DNAH8: variants seen among roughly 807,000 people sequenced by gnomAD.
DNAH8 encodes dynein axonemal heavy chain 8, also known as axonemal beta dynein heavy chain 8.
A neutral mutation model predicts 562.1 loss-of-function variants in DNAH8; 382 were observed. The observed-to-expected ratio is 0.68, with a 90% confidence interval of 0.63 to 0.74. The LOEUF (loss-of-function observed/expected upper bound fraction) is 0.74, where lower values mean the gene tolerates loss of function less well. DNAH8 is among the 30% of genes least tolerant of loss of function. DNAH8 has a pLI of 0.00. For missense variants in DNAH8, 5,203 were observed against 5,620.4 expected (o/e 0.93, Z 2.37); for synonymous variants, 1,881 against 1,919.4 (o/e 0.98, Z 0.52).
intron 23 of DNAH8, 55 bp from the exon 24 acceptor site, chr6:38,807,555 T>C (rs955896498): frequency 8.1e-6 from 7 of 865,364 alleles, no homozygotes; most frequent in African/African-American, 1.7e-5. Flanking sequence ...GTTTTGGGGA[T>C]GCTCTAGGTT....
rs1274698410 is a variant in DNAH8 at position 38,909,442 on chromosome 6, A to G, written c.9514-76A>G. 1.7e-5 allele frequency: 22 copies of G among 1,326,384 alleles called. No homozygotes were observed. The East Asian group carries it at 2.1e-4, about 13-fold the overall frequency. The allele number at this position is 1,326,384 out of a possible 1,614,324, so 82.2% of individuals were successfully genotyped here. The stretch of plus-strand genomic sequence containing the variant: ...ATCTGTGATGTCACACTCTTGGGTC[A>G]GATTGCGTAAATCTCTCTCTGGCTG... On this transcript the variant is annotated intron_variant, in intron 64 of 92. Coordinates refer to ENST00000327475, the MANE Select transcript of DNAH8 (RefSeq NM_001206927.2).
chr6:38,863,559 C>G (rs1232195922), intron 44 of DNAH8, among the ~76,000 whole-genome samples: 1 of 152,158 alleles, frequency 6.6e-6, no homozygotes, highest in Non-Finnish European at 1.5e-5. Flanking sequence ...TTCGACCTAT[C>G]CTTTACTCCG....
chr6:38,803,031 TCTGAAG>T, intron 21 of DNAH8, 142 bp from the exon 22 acceptor site: 4 of 552,388 alleles, frequency 7.2e-6, no homozygotes, highest in Non-Finnish European at 1.2e-5. Flanking sequence ...CAATTTTGAA[TCTGAAG>T]CATTATGCCA....
intron 89 of DNAH8, among the ~76,000 whole-genome samples, chr6:39,010,283 A>T (rs1766106278): frequency 6.6e-6 from 1 of 152,230 alleles, no homozygotes; most frequent in South Asian, 2.1e-4. Context: ...TTTCTTGAAC[A>T]GGTGGCTGTA....
chr6:38,786,750 A>G lies in DNAH8; in HGVS notation c.2396-15A>G, dbSNP rs1554210210. 2 of 1,608,116 alleles carry G rather than the reference A, an allele frequency of 1.2e-6. No individual in the cohort carries two copies. Among genetic ancestry groups the G allele is most frequent in the Middle Eastern group, 1.7e-4 (1 of 6,030 alleles). On this transcript the variant is annotated splice_polypyrimidine_tract_variant and intron_variant, in intron 17 of 92. Coordinates refer to ENST00000327475, the MANE Select transcript of DNAH8 (RefSeq NM_001206927.2). Reference sequence around the variant, plus strand: ...AAATTCAGAATGAGTAATGTCAATCATTATTTATTTGTAGCTTTACAAGCC... The same window carrying G: ...AAATTCAGAATGAGTAATGTCAATCGTTATTTATTTGTAGCTTTACAAGCC...
chr6:39,021,308 A>G (rs1281208770), intron 91 of DNAH8, among the ~76,000 whole-genome samples: 1 of 151,316 alleles, frequency 6.6e-6, no homozygotes, highest in Non-Finnish European at 1.5e-5. Context: ...TGATCTACCT[A>G]CTGAATCAGA....
intron 28 of DNAH8, among the ~76,000 whole-genome samples, chr6:38,825,078 A>T (rs1156757049): frequency 2.6e-5 from 4 of 152,148 alleles, no homozygotes; most frequent in Non-Finnish European, 5.9e-5. Context: ...TTGTTTTTGG[A>T]GAGTGGCATC....
chr6:38,823,933 C>T (rs1345412733), intron 28 of DNAH8, among the ~76,000 whole-genome samples: 1 of 152,032 alleles, frequency 6.6e-6, no homozygotes, highest in Non-Finnish European at 1.5e-5. Flanking sequence ...TTAAATAGTT[C>T]TGGGCCATTG....
At chr6:38,724,955 G>A (rs1763084736) in intron 3 of DNAH8, among the ~76,000 whole-genome samples, 1 of 152,026 alleles carries the variant, frequency 6.6e-6, no homozygotes, top group Admixed American at 6.6e-5. Flanking sequence ...TCAAACATGG[G>A]CAAAACTCTT....
intron 33 of DNAH8, among the ~76,000 whole-genome samples, chr6:38,841,223 A>G (rs975114446): frequency 2.2e-4 from 34 of 152,122 alleles, no homozygotes; most frequent in African/African-American, 8.2e-4. Flanking sequence ...GTTCAAGACC[A>G]GCCTAGCTAA....
Position 38,715,339 on chromosome 6 carries a change from C to G in DNAH8, c.-111C>G, listed in dbSNP as rs901796523. Reference sequence around the variant, plus strand: ...CCGGGCCGCGGAGGCCGGAGCAGCTCCCCCGGGGCAGCGCAACCGCTGGGG... The same window carrying G: ...CCGGGCCGCGGAGGCCGGAGCAGCTGCCCCGGGGCAGCGCAACCGCTGGGG... On this transcript the variant is annotated 5_prime_UTR_variant, in exon 1 of 93. Transcript: ENST00000327475. 1.3e-5 allele frequency: 2 copies of G among 152,294 alleles called. No homozygotes were observed. The highest frequency in any genetic ancestry group is 2.9e-5 in the Non-Finnish European group (2 of 68,126). 9.4% of individuals were successfully genotyped at this position (152,294 alleles called of 1,614,324 possible).
At chr6:38,929,271 CCCTT>C (rs1782347987) in intron 74 of DNAH8, 9 of 325,076 alleles carry the variant, frequency 2.8e-5, no homozygotes, top group Non-Finnish European at 5.0e-5. Context: ...TGAGCAATGC[CCCTT>C]AACCCTCCTC....
intron 82 of DNAH8, among the ~76,000 whole-genome samples, chr6:38,964,967 G>A (rs990737764): frequency 6.6e-6 from 1 of 152,080 alleles, no homozygotes. Context: ...AGGAAGCTGA[G>A]GCATGAGAAT....
chr6:38,904,740 C>T (rs1394147371), intron 62 of DNAH8, among the ~76,000 whole-genome samples: 1 of 137,848 alleles, frequency 7.3e-6, no homozygotes, highest in African/African-American at 2.8e-5. Flanking sequence ...TGCAGTGAGC[C>T]GAGATCATGC....
chr6:38,748,755 AAATAATAAT>A (rs57398991), intron 8 of DNAH8, among the ~76,000 whole-genome samples: 100 of 138,604 alleles, frequency 7.2e-4, no homozygotes, highest in East Asian at 5.9e-3. Context: ...CTCCGTCTCA[AAATAATAAT>A]AATAATAATA....
chr6:38,908,376 G>A (rs901059464), intron 64 of DNAH8, among the ~76,000 whole-genome samples: 5 of 152,136 alleles, frequency 3.3e-5, no homozygotes, highest in African/African-American at 1.2e-4. Context: ...TGTTTGAATT[G>A]TAAGGGACTT....
intron 11 of DNAH8, among the ~76,000 whole-genome samples, chr6:38,766,479 A>G (rs1182196350): frequency 6.6e-6 from 1 of 152,114 alleles, no homozygotes; most frequent in African/African-American, 2.4e-5. Flanking sequence ...ACTATAGTAC[A>G]CAATACTGTT....
At chr6:38,986,290 T>TAAGCA (rs1457816118) in intron 87 of DNAH8, among the ~76,000 whole-genome samples, 1 of 152,200 alleles carries the variant, frequency 6.6e-6, no homozygotes, top group Non-Finnish European at 1.5e-5. Flanking sequence ...AGCAATGATC[T>TAAGCA]ATACGACATC....
chr6:38,973,304 A>C (rs1763462166), intron 83 of DNAH8, among the ~76,000 whole-genome samples: 2 of 152,168 alleles, frequency 1.3e-5, no homozygotes, highest in South Asian at 4.2e-4. Flanking sequence ...GGGGTGAGTC[A>C]GTTCTGATTT....
Sources: gnomAD v4.1 joint callset for allele counts (sites outside exome capture counted in the v4.1 genomes callset) on GRCh38, gnomAD v4.1.1 for gene constraint, MANE v1.5 for transcripts, NCBI Gene and HGNC (gene_info 2026-07-23, HGNC 2026-07-21) for gene names.